The following ZNF251 variants were observed in gnomAD, a reference collection of about 807,000 sequenced individuals.
ZNF251 encodes the protein zinc finger protein 251.
Under a neutral mutation model 13.5 loss-of-function variants are expected in ZNF251, and 14 were observed. The ratio of observed to expected loss-of-function variants is 1.04; its 90% CI spans 0.69 to 1.63. The LOEUF is 1.63. Among genes scored for constraint, ZNF251 ranks in the 40% most tolerant of loss-of-function variants. The pLI is 0.00. For missense variants in ZNF251, 764 were observed against 834.9 expected (o/e 0.92, Z 1.05); for synonymous variants, 287 against 295.2 (o/e 0.97, Z 0.28).
Position 144,722,329 on chromosome 8 carries a change from C to A in ZNF251, c.1331G>T (p.Arg444Leu). 1 of 1,613,518 alleles carries A rather than the reference C, an allele frequency of 6.2e-7. No homozygotes were observed. The highest frequency in any genetic ancestry group is 2.2e-5 in the East Asian group (1 of 44,842). ...VCNECGKAFRRSSTLVQHRRV... is the reference protein window; with the variant it reads ...VCNECGKAFRLSSTLVQHRRV... ...TCGATGCTGAACAAGAGTGGAACTC[C>A]GACGAAAGGCTTTGCCGCACTCATT... Residue 444 changes from arginine (R) to leucine (L), a missense_variant, in exon 5 of 5, where the codon CGG becomes CTG. By Grantham distance (102) the Arg-to-Leu change is moderately radical. Coordinates refer to ENST00000292562, the MANE Select transcript of ZNF251 (RefSeq NM_138367.2). This position sits in a 1 kb window ranked among gnomAD's most constrained non-coding sequence, Gnocchi z 4.8.
rs540867564 is a variant in ZNF251, at chr8:144,733,749, C to T, written c.278-10367G>A. On this transcript the variant is annotated intron_variant, in intron 4 of 4. Coordinates refer to ENST00000292562, the MANE Select transcript of ZNF251 (RefSeq NM_138367.2). ...ATGTGGCCTTCAGGCGTGCCGTGTA[C>T]CCCCAAGACATATACGTAAGCAAAT... is the stretch of plus-strand genomic sequence containing the variant. Among the ~76,000 whole-genome samples, 3 of 152,262 alleles carry T rather than the reference C, an allele frequency of 2.0e-5. No homozygotes were observed. In the South Asian group the frequency reaches 6.2e-4, roughly 32 times the overall value.
chr8:144,745,563 T>TAG (rs1323578494), intron 4 of ZNF251, among the ~76,000 whole-genome samples: 1 of 152,128 alleles, frequency 6.6e-6, no homozygotes, highest in Non-Finnish European at 1.5e-5. Context: ...TTTCGTTTTT[T>TAG]AGAGACAGGG....
intron 4 of ZNF251, among the ~76,000 whole-genome samples, chr8:144,753,274 GAAAAAAAAAAA>G (rs11336657): frequency 9.6e-5 from 4 of 41,818 alleles, no homozygotes; most frequent in Non-Finnish European, 1.2e-4. Flanking sequence ...ATTCTGTCTC[GAAAAAAAAAAA>G]AAAAAAAAAA....
chr8:144,753,743 G>A lies in ZNF251; in HGVS notation c.217C>T (p.Leu73Phe). ...LISQLEQGKELWVLNLLGAEE... is the reference protein window; with the variant it reads ...LISQLEQGKEFWVLNLLGAEE... The stretch of plus-strand genomic sequence containing the variant: ...GCTCCCAGAAGATTCAGGACCCAAA[G>A]TTCCTTCCCCTGCTCCAGCTGGGAG... The change falls in exon 4 of 5, where the codon CTT (leucine) becomes TTT (phenylalanine). Residue 73 changes from leucine to phenylalanine, a missense_variant. By Grantham distance (22) the Leu-to-Phe change is conservative. Transcript: ENST00000292562. 2.5e-6 allele frequency: 4 copies of A among 1,599,996 alleles called. No individual in the cohort carries two copies. Among genetic ancestry groups the A allele is most frequent in the Non-Finnish European group, 3.4e-6 (4 of 1,172,822 alleles).
chr8:144,730,928 G>C (rs1823674937), intron 4 of ZNF251, among the ~76,000 whole-genome samples: 1 of 152,202 alleles, frequency 6.6e-6, no homozygotes, highest in Non-Finnish European at 1.5e-5. Context: ...CAGACACCCA[G>C]TGACGGTCGT....
Position 144,734,434 on chromosome 8 carries a change from C to T in ZNF251, c.278-11052G>A, listed in dbSNP as rs139217004. Among the ~76,000 whole-genome samples the T allele has an allele frequency of 3.9e-5, 6 of 152,338 alleles. No individual in the cohort carries two copies. The highest frequency in any genetic ancestry group is 1.4e-4 in the African/African-American group (6 of 41,574). On this transcript the variant is annotated intron_variant, in intron 4 of 4. Coordinates refer to ENST00000292562, the MANE Select transcript of ZNF251 (RefSeq NM_138367.2). This position sits in a 1 kb window ranked among gnomAD's most constrained non-coding sequence, Gnocchi z 4.4. Reference sequence around the variant, plus strand: ...AATGCCCTGAGCACCCGGTTCCTGCCCCACCGGACGCTGGAGGCCTCCACC... The same window carrying T: ...AATGCCCTGAGCACCCGGTTCCTGCTCCACCGGACGCTGGAGGCCTCCACC...
intron 4 of ZNF251, among the ~76,000 whole-genome samples, chr8:144,735,646 C>T (rs1004803200): frequency 2.0e-5 from 3 of 152,142 alleles, no homozygotes; most frequent in African/African-American, 7.2e-5. Context: ...CTCGGAGCCT[C>T]CGTGCCGTGG....
rs1180846382 is a variant in ZNF251, at chr8:144,721,715, G to T, written c.1945C>A (p.Pro649Thr). 18 of 1,374,820 alleles carry T rather than the reference G, an allele frequency of 1.3e-5. No homozygotes were observed. The highest frequency in any genetic ancestry group is 1.7e-5 in the Non-Finnish European group (18 of 1,055,798). 85.2% of individuals were successfully genotyped at this position (1,374,820 alleles called of 1,614,324 possible). The change falls in exon 5 of 5, where the codon CCT becomes ACT. Residue 649 changes from proline (P) to threonine (T), a missense_variant. By Grantham distance (38) the Pro-to-Thr change is conservative. Transcript: ENST00000292562. ...CTTTTAGAGCCATCATTTAAAGCAG[G>T]TTTCTCTCCAACACGAGTCTGCTGA... is the stretch of plus-strand genomic sequence containing the variant. ...PPQQTRVGEK[P>T]ALNDGSKRYF...
intron 3 of ZNF251, 108 bp from the exon 4 acceptor site, chr8:144,753,904 G>A: frequency 1.1e-6 from 1 of 877,082 alleles, no homozygotes; most frequent in Non-Finnish European, 1.7e-6. Context: ...CACGTGTGTT[G>A]GTCAGGGGGC....
chr8:144,754,409 C>G (rs746605683), intron 2 of ZNF251, 88 bp from the exon 3 acceptor site: 17 of 1,473,532 alleles, frequency 1.2e-5, no homozygotes, highest in Middle Eastern at 2.2e-4. Context: ...GGCCCCACTA[C>G]CCAGGGCCCT....
Position 144,754,801 on chromosome 8 carries a change from T to TAA in ZNF251, c.-74_-73insTT. 1 of 1,573,300 alleles carries TAA rather than the reference T, an allele frequency of 6.4e-7. No individual in the cohort carries two copies. The highest frequency in any genetic ancestry group is 8.6e-7 in the Non-Finnish European group (1 of 1,160,186). ...CCCTGGCCTGAAGTCTCCCCGAACT[T>TAA]ACCTTCAGTGGGGAGAACTCAGGCT... On this transcript the variant is annotated splice_region_variant and 5_prime_UTR_variant, in exon 2 of 5. Transcript: ENST00000292562.
chr8:144,738,479 G>T, intron 4 of ZNF251: 1 of 893,300 alleles, frequency 1.1e-6, no homozygotes, highest in Non-Finnish European at 1.3e-6. Flanking sequence ...TGGCAACTGC[G>T]GGACCAGGCT....
chr8:144,745,789 T>A (rs1417195147), intron 4 of ZNF251, among the ~76,000 whole-genome samples: 1 of 152,094 alleles, frequency 6.6e-6, no homozygotes, highest in Non-Finnish European at 1.5e-5. Context: ...GCTTAAGCGA[T>A]CCTCCTGCCT....
In ZNF251 at chr8:144,721,779, A is replaced by G. The variant is rs771394153; in HGVS notation, c.1881T>C (p.Tyr627=). The G allele has an allele frequency of 2.0e-6, 3 of 1,479,876 alleles. No individual in the cohort carries two copies. Among genetic ancestry groups the G allele is most frequent in the Non-Finnish European group, 2.7e-6 (3 of 1,114,968 alleles). 91.7% of individuals were successfully genotyped at this position (1,479,876 alleles called of 1,614,324 possible). ...GTGAACTCTGGCTGAAGGCTTTCCCATACACACTGCAATGACATGGTTTCT... is the reference window on the plus strand; with the variant it reads ...GTGAACTCTGGCTGAAGGCTTTCCCGTACACACTGCAATGACATGGTTTCT... ...TGQKPCHCSV[Y]GKAFSQSSQL... The change falls in exon 5 of 5, where the codon TAT becomes TAC. Residue 627 remains tyrosine, a synonymous_variant. Transcript: ENST00000292562.
intron 4 of ZNF251, among the ~76,000 whole-genome samples, chr8:144,732,592 C>G (rs1229674491): frequency 6.6e-6 from 1 of 151,818 alleles, no homozygotes; most frequent in South Asian, 2.1e-4. Flanking sequence ...GCGGGGGAAT[C>G]ACGAGGTCAG....
intron 4 of ZNF251, among the ~76,000 whole-genome samples, chr8:144,745,776 T>C (rs533447534): frequency 1.3e-5 from 2 of 152,244 alleles, no homozygotes; most frequent in South Asian, 2.1e-4. Flanking sequence ...CTTAAACTCC[T>C]GGGCTTAAGC....
chr8:144,729,127 C>T (rs994223049), intron 4 of ZNF251, among the ~76,000 whole-genome samples: 1 of 148,304 alleles, frequency 6.7e-6, no homozygotes, highest in African/African-American at 2.5e-5. Context: ...ATCTGCAAAG[C>T]CACAACAAAG....
intron 3 of ZNF251, 25 bp downstream of exon 3, chr8:144,754,167 C>T: frequency 6.2e-7 from 1 of 1,602,328 alleles, no homozygotes; most frequent in Non-Finnish European, 8.5e-7. Flanking sequence ...CCACTGCGAA[C>T]CAGGCCAAGT....
At chr8:144,738,643 T>G in intron 4 of ZNF251, 2 of 985,432 alleles carry the variant, frequency 2.0e-6, no homozygotes, top group Non-Finnish European at 2.4e-6. Context: ...CCCATAGATT[T>G]AGACTCAGTC....
Sources: gnomAD v4.1 joint callset for allele counts (sites outside exome capture counted in the v4.1 genomes callset) on GRCh38, gnomAD v4.1.1 for gene constraint, Gnocchi (gnomAD v3.1) non-coding constraint, MANE v1.5 for transcripts, NCBI Gene and HGNC (gene_info 2026-07-23, HGNC 2026-07-21) for gene names.